RALGPS1: variants seen among roughly 807,000 people sequenced by gnomAD.
The protein encoded by RALGPS1 is ras-specific guanine nucleotide-releasing factor RalGPS1.
A neutral mutation model predicts 78.8 loss-of-function variants in RALGPS1; 19 were observed. The ratio of observed to expected loss-of-function variants is 0.24; its 90% CI spans 0.17 to 0.35. The LOEUF is 0.35. Ranked by LOEUF, RALGPS1 falls within the 10% of genes least tolerant of loss-of-function variation. RALGPS1 has a pLI of 1.00. For synonymous variants in RALGPS1, 228 were observed against 256.3 expected, an observed-to-expected ratio of 0.89 and a Z score of 1.06; for missense variants, 454 against 688.3, an observed-to-expected ratio of 0.66 and a Z score of 3.81.
intron 5 of RALGPS1, among the ~76,000 whole-genome samples, chr9:127,046,660 A>AC (rs1200012648): frequency 1.6e-5 from 2 of 126,518 alleles, no homozygotes; most frequent in African/African-American, 6.1e-5. Context: ...ACATAGTGAG[A>AC]CCCCATCCAT....
intron 1 of RALGPS1, among the ~76,000 whole-genome samples, chr9:126,933,362 C>CA (rs1338592009): frequency 3.9e-5 from 6 of 152,136 alleles, no homozygotes; most frequent in African/African-American, 1.4e-4. Flanking sequence ...AGTGTGACCC[C>CA]AGTCTTCGGG....
At chr9:127,144,332 G>C (rs781023757) in intron 8 of RALGPS1, among the ~76,000 whole-genome samples, 1 of 152,228 alleles carries the variant, frequency 6.6e-6, no homozygotes, top group Non-Finnish European at 1.5e-5. Flanking sequence ...GAGTTTCCCA[G>C]AGTGTGGGCA....
At chr9:127,082,403 G>A (rs2051266446) in intron 8 of RALGPS1, among the ~76,000 whole-genome samples, 1 of 151,760 alleles carries the variant, frequency 6.6e-6, no homozygotes, top group Admixed American at 6.6e-5. Flanking sequence ...GCTATGGACT[G>A]GCTTCCTGAC....
In RALGPS1 at chr9:127,216,996, G is replaced by A. The variant is rs2062624376; in HGVS notation, c.1645-1744G>A. 15 of 1,535,646 alleles carry A rather than the reference G, an allele frequency of 9.8e-6. No homozygotes were observed. The Middle Eastern group carries it at 2.4e-3, about 246-fold the overall frequency. ...TGCGGGGAAGGAGGCAGGGCCCTGTGCCTGAAGCCTGGGCACCATGGTGGC... is the reference window on the plus strand; with the variant it reads ...TGCGGGGAAGGAGGCAGGGCCCTGTACCTGAAGCCTGGGCACCATGGTGGC... On this transcript the variant is annotated intron_variant, in intron 18 of 18. Transcript: ENST00000259351.
chr9:127,024,242 C>T (rs1037549220), intron 4 of RALGPS1, among the ~76,000 whole-genome samples: 2 of 151,012 alleles, frequency 1.3e-5, no homozygotes, highest in African/African-American at 4.9e-5. Flanking sequence ...TTATTTTTTC[C>T]AAGTGATCTT....
intron 4 of RALGPS1, among the ~76,000 whole-genome samples, chr9:127,010,377 A>T (rs1326758342): frequency 6.6e-6 from 1 of 152,156 alleles, no homozygotes; most frequent in Admixed American, 6.5e-5. Context: ...TTCCAAATTC[A>T]TACACAAGTA....
chr9:126,990,543 C>T (rs2042191408), intron 4 of RALGPS1, among the ~76,000 whole-genome samples: 1 of 152,200 alleles, frequency 6.6e-6, no homozygotes, highest in Non-Finnish European at 1.5e-5. Context: ...ACTTTGTGTG[C>T]ACACCACAGC....
chr9:127,097,721 A>C (rs1050209834), intron 8 of RALGPS1, among the ~76,000 whole-genome samples: 2 of 152,264 alleles, frequency 1.3e-5, no homozygotes, highest in African/African-American at 4.8e-5. Flanking sequence ...TAGCTGTTCC[A>C]TATAAATAAT....
chr9:126,991,673 C>A (rs2042294701), intron 4 of RALGPS1, among the ~76,000 whole-genome samples: 1 of 152,162 alleles, frequency 6.6e-6, no homozygotes, highest in Non-Finnish European at 1.5e-5. Context: ...TACTCTGTAG[C>A]TGTGTGATCA....
At chr9:127,009,553 A>T (rs1473979969) in intron 4 of RALGPS1, among the ~76,000 whole-genome samples, 1 of 152,154 alleles carries the variant, frequency 6.6e-6, no homozygotes, top group East Asian at 1.9e-4. Context: ...TGTTTCTTTG[A>T]TCTAGGCCCT....
chr9:127,053,713 C>T (rs1336886365), intron 7 of RALGPS1, among the ~76,000 whole-genome samples: 2 of 152,200 alleles, frequency 1.3e-5, no homozygotes, highest in African/African-American at 4.8e-5. Context: ...CTGCTTTCTG[C>T]CAGTCTGTGG....
At chr9:127,195,363 G>T in intron 12 of RALGPS1, 146 bp downstream of exon 12, 1 of 1,178,108 alleles carries the variant, frequency 8.5e-7, no homozygotes, top group South Asian at 1.5e-5. Context: ...ATCCTGGCCA[G>T]TGCGCTTTCC....
At chr9:126,973,491 C>G (rs1234904144) in intron 3 of RALGPS1, among the ~76,000 whole-genome samples, 3 of 152,168 alleles carry the variant, frequency 2.0e-5, no homozygotes, top group Admixed American at 6.5e-5. Context: ...ATTTAAAAAA[C>G]TTGAAGAAAG....
intron 1 of RALGPS1, among the ~76,000 whole-genome samples, chr9:126,929,268 A>G (rs368383765): frequency 3.3e-5 from 5 of 152,350 alleles, no homozygotes; most frequent in East Asian, 1.9e-4. Flanking sequence ...GAGGATAAGG[A>G]TAGCAGTGGA....
intron 8 of RALGPS1, among the ~76,000 whole-genome samples, chr9:127,099,688 T>C (rs968847460): frequency 6.6e-6 from 1 of 152,234 alleles, no homozygotes; most frequent in Non-Finnish European, 1.5e-5. Context: ...TATGGATGTA[T>C]ATATATTCTA....
intron 10 of RALGPS1, among the ~76,000 whole-genome samples, chr9:127,173,663 C>T (rs2059681297): frequency 1.3e-5 from 2 of 152,172 alleles, no homozygotes; most frequent in African/African-American, 4.8e-5. Context: ...ATGTCCGTTG[C>T]CTTGTGCCTC....
At chr9:127,201,276 A>G (rs2061617006) in intron 14 of RALGPS1, among the ~76,000 whole-genome samples, 1 of 152,170 alleles carries the variant, frequency 6.6e-6, no homozygotes, top group Non-Finnish European at 1.5e-5. Context: ...GTCTTGAAAC[A>G]TCCCTGCAGG....
intron 5 of RALGPS1, among the ~76,000 whole-genome samples, chr9:127,044,280 G>C (rs565464483): frequency 4.4e-4 from 67 of 151,612 alleles, no homozygotes; most frequent in South Asian, 1.2e-3. Flanking sequence ...TTTTGAGACA[G>C]AGTTTCACTC....
Position 126,966,035 on chromosome 9 carries a change from T to C in RALGPS1, c.165+84T>C, listed in dbSNP as rs921352498. ...CCACCACTTAGGCTTTGGGCTCAGA[T>C]TGGAAACATTCTATATGCCCAGCAA... On this transcript the variant is annotated intron_variant, in intron 3 of 18. Transcript: ENST00000259351. The C allele has an allele frequency of 2.4e-5, 23 of 968,806 alleles. No homozygotes were observed. In the African/African-American group the frequency reaches 3.2e-4, roughly 13 times the overall value. 60.0% of individuals were successfully genotyped at this position (968,806 alleles called of 1,614,324 possible).
Sources: gnomAD v4.1 joint callset for allele counts (sites outside exome capture counted in the v4.1 genomes callset) on GRCh38, gnomAD v4.1.1 for gene constraint, MANE v1.5 for transcripts, NCBI Gene and HGNC (gene_info 2026-07-23, HGNC 2026-07-21) for gene names.